Variants in ARHGAP22 observed in about 807,000 individuals in gnomAD.
ARHGAP22 encodes the protein rho GTPase-activating protein 22.
Under a neutral mutation model 59.1 loss-of-function variants are expected in ARHGAP22, and 48 were observed. That is an observed-to-expected ratio of 0.81 (90% CI 0.64 to 1.03). ARHGAP22 has a LOEUF of 1.03. Ranked by LOEUF, ARHGAP22 falls within the 50% of genes least tolerant of loss-of-function variation. The probability of loss-of-function intolerance (pLI) is 0.00; values close to 1 mark genes in which losing one functional copy is unlikely to be tolerated. For missense variants in ARHGAP22, 1,015 were observed against 958.7 expected (o/e 1.06, Z -0.78); for synonymous variants, 445 against 416.4 (o/e 1.07, Z -0.84).
chr10:48,593,404 C>G (rs1017469084), intron 1 of ARHGAP22, among the ~76,000 whole-genome samples: 2 of 152,214 alleles, frequency 1.3e-5, no homozygotes, highest in African/African-American at 4.8e-5. Context: ...CCTGAGGATG[C>G]CTGAAACTGC....
At chr10:48,582,657 T>A in intron 2 of ARHGAP22, 2 of 458,670 alleles carry the variant, frequency 4.4e-6, no homozygotes, top group Non-Finnish European at 7.9e-6. Context: ...CTTGGAAGCA[T>A]GAAGGGGCCA....
chr10:48,552,242 C>A (rs2056952539), intron 3 of ARHGAP22, among the ~76,000 whole-genome samples: 1 of 152,240 alleles, frequency 6.6e-6, no homozygotes, highest in South Asian at 2.1e-4. Flanking sequence ...AGTGAGGGAC[C>A]CATTGTGGTG....
chr10:48,467,981 A>C (rs539958702), intron 4 of ARHGAP22, among the ~76,000 whole-genome samples: 2 of 152,342 alleles, frequency 1.3e-5, no homozygotes, highest in South Asian at 4.1e-4. Context: ...ACAGGGGCAC[A>C]ATTTAAGGGG....
At chr10:48,645,340 C>T (rs2062247901) in intron 1 of ARHGAP22, among the ~76,000 whole-genome samples, 1 of 152,034 alleles carries the variant, frequency 6.6e-6, no homozygotes, top group African/African-American at 2.4e-5. Flanking sequence ...GGCTAATATC[C>T]CTCATTAACA....
In ARHGAP22 at chr10:48,451,111, C is replaced by T. The variant is rs755640836; in HGVS notation, c.1018G>A (p.Val340Ile). Residue 340 changes from valine (V) to isoleucine (I), a missense_variant, in exon 9 of 10, where the codon GTC becomes ATC. Val to Ile is a conservative substitution (Grantham distance 29). Coordinates refer to ENST00000249601, the MANE Select transcript of ARHGAP22 (RefSeq NM_021226.4). ...AGCTGGCTGTGTTTGCGGATGAGGA[C>T]GGTCATCAGGTGCTGGACGAGGGAA... The part of the protein sequence containing the change: ...GTSLVQHLMT[V>I]LIRKHSQLFT... 1 of 1,553,202 alleles carries T rather than the reference C, an allele frequency of 6.4e-7. No homozygotes were observed. The highest frequency in any genetic ancestry group is 8.7e-7 in the Non-Finnish European group (1 of 1,148,264).
At chr10:48,474,525 G>C (rs2048523116) in intron 4 of ARHGAP22, among the ~76,000 whole-genome samples, 1 of 152,102 alleles carries the variant, frequency 6.6e-6, no homozygotes, top group African/African-American at 2.4e-5. Flanking sequence ...GATCTTGGAG[G>C]AAAATTAGCC....
intron 3 of ARHGAP22, among the ~76,000 whole-genome samples, chr10:48,502,757 T>C (rs2051654517): frequency 6.6e-6 from 1 of 152,126 alleles, no homozygotes; most frequent in Non-Finnish European, 1.5e-5. Flanking sequence ...ATCCCATTCT[T>C]CCTCCCATAA....
At position 48,517,637 on chromosome 10, in the gene ARHGAP22, C is replaced by T. The variant is rs78332415; in HGVS notation, c.322+37826G>A. ...TCCTCTCTGGAGCCATGAGAGCCAACCCCCTAACCCTGGAGGCCAGCAGCG... is the reference window on the plus strand; with the variant it reads ...TCCTCTCTGGAGCCATGAGAGCCAATCCCCTAACCCTGGAGGCCAGCAGCG... On this transcript the variant is annotated intron_variant, in intron 3 of 9. Transcript: ENST00000249601. Among the ~76,000 whole-genome samples the T allele has an allele frequency of 2.5e-3, 385 of 152,288 alleles. 2 individuals carry two copies. The highest frequency in any genetic ancestry group is 8.8e-3 in the African/African-American group (365 of 41,554).
At chr10:48,632,040 G>A (rs1357222511) in intron 1 of ARHGAP22, among the ~76,000 whole-genome samples, 2 of 152,082 alleles carry the variant, frequency 1.3e-5, no homozygotes, top group East Asian at 3.8e-4. Context: ...TCTATAGTGG[G>A]GAATTCTGAG....
At chr10:48,501,798 T>C (rs2051551638) in intron 3 of ARHGAP22, among the ~76,000 whole-genome samples, 1 of 151,482 alleles carries the variant, frequency 6.6e-6, no homozygotes, top group Non-Finnish European at 1.5e-5. Flanking sequence ...GCTCCGTTAC[T>C]ATGTGGAAAA....
the ARHGAP22 span, among the ~76,000 whole-genome samples, chr10:48,440,834 G>C: frequency 6.6e-6 from 1 of 152,306 alleles, no homozygotes; most frequent in South Asian, 2.1e-4. Context: ...TGGAGGTGTG[G>C]ACATTGGTGA....
chr10:48,514,135 A>G (rs1422890748), intron 3 of ARHGAP22, among the ~76,000 whole-genome samples: 2 of 152,134 alleles, frequency 1.3e-5, no homozygotes, highest in Non-Finnish European at 2.9e-5. Flanking sequence ...AAAATAATGA[A>G]GAAAAATGAA....
rs2060603010 is a variant in ARHGAP22 at position 48,604,973 on chromosome 10, C to T, written c.-177G>A. 5.4e-6 allele frequency: 8 copies of T among 1,491,368 alleles called. No individual in the cohort carries two copies. The highest frequency in any genetic ancestry group is 7.1e-6 in the Non-Finnish European group (8 of 1,125,328). The allele number at this position is 1,491,368 out of a possible 1,614,324, so 92.4% of individuals were successfully genotyped here. A position where few individuals can be genotyped will look rare whatever the true frequency, so the allele number is the denominator to read the frequency against. On this transcript the variant is annotated 5_prime_UTR_variant, in exon 1 of 10. Transcript: ENST00000249601. ...TCCTGGCTCCGGACGGACGGCTCGC[C>T]TTGGACTACATAAACCTCGATGCAT...
At chr10:48,621,976 T>C (rs946773737) in intron 1 of ARHGAP22, among the ~76,000 whole-genome samples, 3 of 152,230 alleles carry the variant, frequency 2.0e-5, no homozygotes, top group African/African-American at 7.2e-5. Context: ...TCCTCTCCTT[T>C]GGTTATTCTT....
chr10:48,655,257 G>GTTT (rs1491516692), upstream of ARHGAP22, among the ~76,000 whole-genome samples: 1 of 10,874 alleles, frequency 9.2e-5, no homozygotes, highest in African/African-American at 2.6e-4. Context: ...GTGTGTGTGT[G>GTTT]GGGGGGGGGG....
upstream of ARHGAP22, among the ~76,000 whole-genome samples, chr10:48,653,759 G>A (rs2062651059): frequency 6.6e-6 from 1 of 152,190 alleles, no homozygotes; most frequent in South Asian, 2.1e-4. Context: ...CCCACGACCT[G>A]GTGTACAGGG....
downstream of ARHGAP22, among the ~76,000 whole-genome samples, chr10:48,443,115 C>G (rs1417280222): frequency 6.6e-6 from 1 of 152,142 alleles, no homozygotes; most frequent in Non-Finnish European, 1.5e-5. Flanking sequence ...TCATGTTTGG[C>G]ATTTTTCAGG....
chr10:48,607,563 G>A (rs2060724212), upstream of ARHGAP22, among the ~76,000 whole-genome samples: 2 of 152,292 alleles, frequency 1.3e-5, no homozygotes, highest in African/African-American at 4.8e-5. Flanking sequence ...GCCTGTGGGA[G>A]GATGGAGTGG....
intron 1 of ARHGAP22, among the ~76,000 whole-genome samples, chr10:48,589,592 C>T (rs2059631576): frequency 6.6e-6 from 1 of 152,182 alleles, no homozygotes; most frequent in African/African-American, 2.4e-5. Flanking sequence ...GGCTCCATGA[C>T]CAAGCAGACT....
Sources: gnomAD v4.1 joint callset for allele counts (sites outside exome capture counted in the v4.1 genomes callset) on GRCh38, gnomAD v4.1.1 for gene constraint, MANE v1.5 for transcripts, NCBI Gene and HGNC (gene_info 2026-07-23, HGNC 2026-07-21) for gene names.